Variants in CNKSR1 observed in about 807,000 individuals in gnomAD.
CNKSR1 encodes CNK homolog protein 1.
Under a neutral mutation model 95.6 loss-of-function variants are expected in CNKSR1, and 88 were observed. The ratio of observed to expected loss-of-function variants is 0.92; its 90% CI spans 0.78 to 1.10. The LOEUF is 1.10. CNKSR1 is among the 50% of genes least tolerant of loss of function. The pLI, the probability that CNKSR1 is intolerant of heterozygous loss-of-function variation, is 0.00. For missense variants in CNKSR1, 836 were observed against 912.0 expected (o/e 0.92, Z 1.07); for synonymous variants, 355 against 369.7 (o/e 0.96, Z 0.46).
At chr1:26,185,619 C>T (rs1438284219) in intron 14 of CNKSR1, among the ~76,000 whole-genome samples, 1 of 152,026 alleles carries the variant, frequency 6.6e-6, no homozygotes. Flanking sequence ...GTCTCGATCT[C>T]CTGACCTCGT....
chr1:26,181,746 C>G, intron 3 of CNKSR1, 111 bp from the exon 4 acceptor site: 3 of 1,017,556 alleles, frequency 2.9e-6, no homozygotes, highest in Non-Finnish European at 4.6e-6. Context: ...AAACCAAAAC[C>G]CATCAGAGCA....
At position 26,189,692 on chromosome 1, in the gene CNKSR1, C is replaced by T. The variant is rs545018902; in HGVS notation, c.*144C>T. On this transcript the variant is annotated 3_prime_UTR_variant, in exon 21 of 21. Coordinates refer to ENST00000361530, the MANE Select transcript of CNKSR1 (RefSeq NM_006314.3). ...GTCATGGTCTCACCCCGAGCTGACCCCTCTGCCTGGGCTTTGTGCCACCCT... is the reference window on the plus strand; with the variant it reads ...GTCATGGTCTCACCCCGAGCTGACCTCTCTGCCTGGGCTTTGTGCCACCCT... 1.3e-6 allele frequency: 1 copy of T among 760,110 alleles called. No individual in the cohort carries two copies. The highest frequency in any genetic ancestry group is 1.4e-5 in the South Asian group (1 of 72,640). The allele number at this position is 760,110 out of a possible 1,614,324, so 47.1% of individuals were successfully genotyped here.
Position 26,182,509 on chromosome 1 carries a change from C to T in CNKSR1, c.549C>T (p.Asn183=). 1 of 1,614,058 alleles carries T rather than the reference C, an allele frequency of 6.2e-7. No individual in the cohort carries two copies. The highest frequency in any genetic ancestry group is 8.5e-7 in the Non-Finnish European group (1 of 1,179,998). Residue 183 remains asparagine, a synonymous_variant, in exon 6 of 21, where the codon AAC becomes AAT. Transcript: ENST00000361530. ...GCCACGTGGCTGGGATCTGCCACAACATCCTGGTCTGCTGCCCCAAGGAGC... is the reference window on the plus strand; with the variant it reads ...GCCACGTGGCTGGGATCTGCCACAATATCCTGGTCTGCTGCCCCAAGGAGC... ...ICSHVAGICH[N]ILVCCPKELL...
At chr1:26,186,551 G>T (rs2088754639) in intron 14 of CNKSR1, among the ~76,000 whole-genome samples, 1 of 152,128 alleles carries the variant, frequency 6.6e-6, no homozygotes, top group East Asian at 1.9e-4. Flanking sequence ...CGCAGCTCAT[G>T]GCAACCTTTT....
At chr1:26,178,732 C>T (rs2088600032) in intron 1 of CNKSR1, among the ~76,000 whole-genome samples, 2 of 152,246 alleles carry the variant, frequency 1.3e-5, no homozygotes, top group Admixed American at 1.3e-4. Context: ...GGAAAGGCAA[C>T]TCTGACCTTA....
intron 1 of CNKSR1, among the ~76,000 whole-genome samples, chr1:26,178,096 C>T (rs2088591380): frequency 1.3e-5 from 2 of 152,170 alleles, no homozygotes; most frequent in East Asian, 1.9e-4. Context: ...CCCTGGGGGG[C>T]CCAAGGACCC....
At position 26,188,858 on chromosome 1, in the gene CNKSR1, C is replaced by G; in HGVS notation, c.1777C>G (p.Gln593Glu). The change falls in exon 20 of 21, where the codon CAG (glutamine) becomes GAG (glutamate). Residue 593 changes from glutamine to glutamate, a missense_variant. Physicochemically the swap from Gln to Glu is conservative, Grantham distance 29. Transcript: ENST00000361530. ...CCTAGGCCAGCCACAGCCCCTGACCCAGGAACAGTGGCGGAGCTCTTTCAT... is the reference window on the plus strand; with the variant it reads ...CCTAGGCCAGCCACAGCCCCTGACCGAGGAACAGTGGCGGAGCTCTTTCAT... ...SLLGQPQPLT[Q>E]EQWRSSFMRR... 1 of 1,613,788 alleles carries G rather than the reference C, an allele frequency of 6.2e-7. No homozygotes were observed.
In CNKSR1 at chr1:26,189,678, AC is replaced by A. The variant is rs753888866; in HGVS notation, c.*134del. ...AAGTAGTACTGCTAGTCATGGTCTC[AC>A]CCCGAGCTGACCCCTCTGCCTGGGC... On this transcript the variant is annotated 3_prime_UTR_variant, in exon 21 of 21. Coordinates refer to ENST00000361530, the MANE Select transcript of CNKSR1 (RefSeq NM_006314.3). The A allele has an allele frequency of 4.3e-5, 33 of 773,626 alleles. No individual in the cohort carries two copies. The Admixed American group carries it at 5.7e-4, about 13-fold the overall frequency. The allele number at this position is 773,626 out of a possible 1,614,324, so 47.9% of individuals were successfully genotyped here.
intron 11 of CNKSR1, 40 bp downstream of exon 11, chr1:26,184,327 T>C (rs2088705399): frequency 6.2e-7 from 1 of 1,606,918 alleles, no homozygotes; most frequent in South Asian, 1.1e-5. Flanking sequence ...ACACGGCATC[T>C]GGGCACCCAG....
At chr1:26,182,626 A>C (rs1466001112) in intron 6 of CNKSR1, 42 bp downstream of exon 6, 4 of 1,545,568 alleles carry the variant, frequency 2.6e-6, no homozygotes, top group Non-Finnish European at 3.6e-6. Flanking sequence ...ACCCCTTGGC[A>C]GCCTTGTCTG....
In CNKSR1 at chr1:26,182,513, C is replaced by T. The variant is rs751090558; in HGVS notation, c.553C>T (p.Leu185=). ...CGTGGCTGGGATCTGCCACAACATC[C>T]TGGTCTGCTGCCCCAAGGAGCTGCT... ...SHVAGICHNI[L]VCCPKELLEQ... The change falls in exon 6 of 21, where the codon CTG becomes TTG. Residue 185 remains leucine, a synonymous_variant. Transcript: ENST00000361530. The T allele has an allele frequency of 6.2e-7, 1 of 1,614,022 alleles. No homozygotes were observed.
At position 26,189,460 on chromosome 1, in the gene CNKSR1, C is replaced by A. The variant is rs2088826207; in HGVS notation, c.2054C>A (p.Ser685Tyr). The A allele has an allele frequency of 6.2e-7, 1 of 1,613,862 alleles. No individual in the cohort carries two copies. Among genetic ancestry groups the A allele is most frequent in the Admixed American group, 1.7e-5 (1 of 59,994 alleles). Reference sequence around the variant, plus strand: ...TTGACCTCTGACTCCACAGAACAGTCCCCCCACTCCCTGCCCTCTGACCCT... The same window carrying A: ...TTGACCTCTGACTCCACAGAACAGTACCCCCACTCCCTGCCCTCTGACCCT... ...HILTSDSTEQ[S>Y]PHSLPSDPEE... Residue 685 changes from serine to tyrosine, a missense_variant, in exon 21 of 21, where the codon TCC becomes TAC. Coordinates refer to ENST00000361530, the MANE Select transcript of CNKSR1 (RefSeq NM_006314.3).
In CNKSR1 at chr1:26,185,098, A is replaced by C; in HGVS notation, c.1220A>C (p.Lys407Thr). ...TGTGACGGCTGGCTCCTGTTGCGAAAGGCACCGGGCGGCTTCATGGGCCCG... is the reference window on the plus strand; with the variant it reads ...TGTGACGGCTGGCTCCTGTTGCGAACGGCACCGGGCGGCTTCATGGGCCCG... The part of the protein sequence containing the change: ...PDCDGWLLLR[K>T]APGGFMGPRW... Residue 407 changes from lysine (K) to threonine (T), a missense_variant, in exon 14 of 21, where the codon AAG becomes ACG. By Grantham distance (78) the Lys-to-Thr change is moderately conservative. Coordinates refer to ENST00000361530, the MANE Select transcript of CNKSR1 (RefSeq NM_006314.3). 6.2e-7 allele frequency: 1 copy of C among 1,605,136 alleles called. No individual in the cohort carries two copies. The highest frequency in any genetic ancestry group is 8.5e-7 in the Non-Finnish European group (1 of 1,177,496).
intron 1 of CNKSR1, among the ~76,000 whole-genome samples, chr1:26,179,294 A>G (rs1191282847): frequency 6.6e-6 from 1 of 152,186 alleles, no homozygotes; most frequent in Non-Finnish European, 1.5e-5. Flanking sequence ...GGGCAGTGGG[A>G]ACAAGAGGAG....
At chr1:26,187,910 T>G (rs1014436570) in intron 16 of CNKSR1, among the ~76,000 whole-genome samples, 26 of 152,024 alleles carry the variant, frequency 1.7e-4, no homozygotes, top group African/African-American at 6.0e-4. Context: ...TGTGAGCCAC[T>G]GCACCCGGCA....
chr1:26,180,811 G>T lies in CNKSR1; in HGVS notation c.307G>T (p.Asp103Tyr). Residue 103 changes from aspartate (D) to tyrosine (Y), a missense_variant, in exon 3 of 21, where the codon GAC becomes TAC. Physicochemically the swap from Asp to Tyr is radical, Grantham distance 160 (BLOSUM62 -3). Coordinates refer to ENST00000361530, the MANE Select transcript of CNKSR1 (RefSeq NM_006314.3). Reference sequence around the variant, plus strand: ...GAGCATAGTCCAAGGCTGCCTGGGGGACTGTGCCAAGACCCCTATTGATGT... The same window carrying T: ...GAGCATAGTCCAAGGCTGCCTGGGGTACTGTGCCAAGACCCCTATTGATGT... ...FQSIVQGCLG[D>Y]CAKTPIDVLC... is the part of the protein sequence containing the mutation. 6.2e-7 allele frequency: 1 copy of T among 1,614,210 alleles called. No homozygotes were observed. The highest frequency in any genetic ancestry group is 8.5e-7 in the Non-Finnish European group (1 of 1,180,034).
At chr1:26,179,267 G>A (rs550557863) in intron 1 of CNKSR1, among the ~76,000 whole-genome samples, 1 of 152,298 alleles carries the variant, frequency 6.6e-6, no homozygotes, top group South Asian at 2.1e-4. Flanking sequence ...CAAGTGCAGG[G>A]GTTTGTGGAG....
intron 2 of CNKSR1, 27 bp from the exon 3 acceptor site, chr1:26,180,688 A>C (rs2088633035): frequency 6.2e-7 from 1 of 1,613,880 alleles, no homozygotes; most frequent in Non-Finnish European, 8.5e-7. Context: ...GCTGCCAGGG[A>C]GGTGACTTGC....
At position 26,183,226 on chromosome 1, in the gene CNKSR1, C is replaced by T. The variant is rs1157808902; in HGVS notation, c.654C>T (p.Cys218=). 6.2e-7 allele frequency: 1 copy of T among 1,614,030 alleles called. No individual in the cohort carries two copies. The highest frequency in any genetic ancestry group is 8.5e-7 in the Non-Finnish European group (1 of 1,180,004). The part of the protein sequence containing the change: ...LGLEIHTTSN[C]QHFVSQVDTQ... ...TAGAAATTCACACCACCAGCAATTGCCAGCACTTTGTGTCCCAAGTGGACA... is the reference window on the plus strand; with the variant it reads ...TAGAAATTCACACCACCAGCAATTGTCAGCACTTTGTGTCCCAAGTGGACA... Residue 218 remains cysteine, a synonymous_variant, in exon 7 of 21, where the codon TGC becomes TGT. Coordinates refer to ENST00000361530, the MANE Select transcript of CNKSR1 (RefSeq NM_006314.3).
Sources: gnomAD v4.1 joint callset for allele counts (sites outside exome capture counted in the v4.1 genomes callset) on GRCh38, gnomAD v4.1.1 for gene constraint, MANE v1.5 for transcripts, NCBI Gene and HGNC (gene_info 2026-07-23, HGNC 2026-07-21) for gene names.